RPS21: variants seen among roughly 807,000 people sequenced by gnomAD.
The protein encoded by RPS21 is ribosomal protein S21.
A neutral mutation model predicts 14.5 loss-of-function variants in RPS21; 6 were observed. The ratio of observed to expected loss-of-function variants is 0.41; its 90% CI spans 0.23 to 0.82. The LOEUF (loss-of-function observed/expected upper bound fraction) is 0.82, where lower values mean the gene tolerates loss of function less well. Ranked by LOEUF, RPS21 falls within the 40% of genes least tolerant of loss-of-function variation. RPS21 has a pLI of 0.31. For synonymous variants in RPS21, 61 were observed against 42.6 expected, an observed-to-expected ratio of 1.43 and a Z score of -1.69; for missense variants, 85 against 115.0, an observed-to-expected ratio of 0.74 and a Z score of 1.19.
At chr20:62,388,395 T>C (rs895562752) in intron 5 of RPS21, 31 bp downstream of exon 5, 4 of 1,609,568 alleles carry the variant, frequency 2.5e-6, no homozygotes, top group Non-Finnish European at 8.5e-7. Context: ...TTGGGCAGAG[T>C]GAGTGGACTA....
intron 4 of RPS21, 47 bp downstream of exon 4, chr20:62,387,961 C>T (rs1409814474): frequency 6.2e-7 from 1 of 1,614,200 alleles, no homozygotes; most frequent in South Asian, 1.1e-5. Context: ...ACATCGTGGA[C>T]TTTACCGTGC....
chr20:62,388,061 G>A, intron 4 of RPS21, 147 bp downstream of exon 4: 1 of 1,562,218 alleles, frequency 6.4e-7, no homozygotes, highest in Non-Finnish European at 8.7e-7. Context: ...CGCTTCTTGA[G>A]GGTGGAAGAG....
intron 5 of RPS21, 30 bp from the exon 6 acceptor site, chr20:62,388,427 C>G (rs765823837): frequency 6.2e-7 from 1 of 1,613,782 alleles, no homozygotes; most frequent in African/African-American, 1.3e-5. Context: ...GAGGCGTGGT[C>G]TTAACGTTGT....
At chr20:62,387,451 C>T (rs1987772963) in intron 2 of RPS21, 63 bp downstream of exon 2, 1 of 1,599,362 alleles carries the variant, frequency 6.3e-7, no homozygotes, top group Non-Finnish European at 8.6e-7. Flanking sequence ...CTCGCCTGCC[C>T]TTGTTCCCCC....
intron 2 of RPS21, 105 bp from the exon 3 acceptor site, chr20:62,387,505 GC>G (rs1987776236): frequency 1.9e-6 from 3 of 1,585,030 alleles, no homozygotes; most frequent in African/African-American, 2.7e-5. Context: ...AACTTGTCCT[GC>G]CCCCGACGTT....
chr20:62,388,163 T>C, intron 4 of RPS21, 146 bp from the exon 5 acceptor site: 1 of 1,473,674 alleles, frequency 6.8e-7, no homozygotes, highest in Non-Finnish European at 9.1e-7. Flanking sequence ...GGCTGCAGGC[T>C]GCCCCGGGAG....
chr20:62,387,617 T>C lies in RPS21; in HGVS notation c.57T>C (p.Ala19=). ...CTGCGCCCTTTCTCCACAGCTCCGC[T>C]AGCAATCGCATCATCGGTGCCAAGG... is the stretch of plus-strand genomic sequence containing the variant. ...VDLYVPRKCS[A]SNRIIGAKDH... is the part of the protein sequence containing the mutation. The change falls in exon 3 of 6, where the codon GCT becomes GCC. Residue 19 remains alanine, a synonymous_variant. Transcript: ENST00000343986. 1.2e-6 allele frequency: 2 copies of C among 1,612,704 alleles called. No homozygotes were observed. The highest frequency in any genetic ancestry group is 1.7e-6 in the Non-Finnish European group (2 of 1,179,042).
At chr20:62,387,414 TC>T in intron 2 of RPS21, 26 bp downstream of exon 2, 1 of 1,608,114 alleles carries the variant, frequency 6.2e-7, no homozygotes, top group Middle Eastern at 1.7e-4. Flanking sequence ...ATGCCTCTCT[TC>T]CGTCCTTACC....
rs1987795982 is a variant in RPS21 at position 62,387,883 on chromosome 20, C to T, written c.155C>T (p.Thr52Ile). The part of the protein sequence containing the change: ...VTGRFNGQFK[T>I]YAICGAIRRM... Reference sequence around the variant, plus strand: ...GGCAGGTTTAATGGCCAGTTTAAAACTTATGCTATCTGCGGGGCCATTCGT... The same window carrying T: ...GGCAGGTTTAATGGCCAGTTTAAAATTTATGCTATCTGCGGGGCCATTCGT... The change falls in exon 4 of 6, where the codon ACT (threonine) becomes ATT (isoleucine). Residue 52 changes from threonine (T) to isoleucine (I), a missense_variant. Coordinates refer to ENST00000343986, the MANE Select transcript of RPS21 (RefSeq NM_001024.4). 4 of 1,614,206 alleles carry T rather than the reference C, an allele frequency of 2.5e-6. No homozygotes were observed. Among genetic ancestry groups the T allele is most frequent in the Non-Finnish European group, 3.4e-6 (4 of 1,180,044 alleles).
chr20:62,387,921 GT>G lies in RPS21; in HGVS notation c.186+10del. The G allele has an allele frequency of 1.2e-6, 2 of 1,614,228 alleles. No homozygotes were observed. Among genetic ancestry groups the G allele is most frequent in the Non-Finnish European group, 1.7e-6 (2 of 1,180,048 alleles). On this transcript the variant is annotated splice_region_variant and intron_variant, in intron 4 of 5. Transcript: ENST00000343986. ...CGGGGCCATTCGTAGGATGGTGAGT[GT>G]TTCCCTGGGCTTTGCTCATCACTTC...
At chr20:62,387,410 C>G (rs554594594) in intron 2 of RPS21, 22 bp downstream of exon 2, 5 of 1,607,838 alleles carry the variant, frequency 3.1e-6, no homozygotes, top group Non-Finnish European at 4.2e-6. Flanking sequence ...CCACATGCCT[C>G]TCTTCCGTCC....
chr20:62,387,297 C>T (rs751134170), intron 1 of RPS21, 24 bp from the exon 2 acceptor site: 3 of 1,559,578 alleles, frequency 1.9e-6, no homozygotes, highest in South Asian at 1.2e-5. Context: ...GCCGTACTCA[C>T]GGCGCCGCGC....
intron 4 of RPS21, 161 bp from the exon 5 acceptor site, chr20:62,388,148 A>T (rs1391261789): frequency 6.7e-6 from 10 of 1,486,060 alleles, no homozygotes; most frequent in Non-Finnish European, 9.0e-6. Context: ...GCTCCACCAT[A>T]GTCAGGCTGC....
At chr20:62,387,246 C>T (rs969871513) in intron 1 of RPS21, 75 bp from the exon 2 acceptor site, 1 of 1,164,660 alleles carries the variant, frequency 8.6e-7, no homozygotes, top group Non-Finnish European at 1.2e-6. Context: ...GGGCCGTGAC[C>T]CTAGGGGCCG....
rs1335399935 is a variant in RPS21, at chr20:62,387,542, A to G, written c.51-69A>G. 3.8e-6 allele frequency: 6 copies of G among 1,585,404 alleles called. No individual in the cohort carries two copies. In the South Asian group the frequency reaches 4.5e-5, roughly 12 times the overall value. On this transcript the variant is annotated intron_variant, in intron 2 of 5. Transcript: ENST00000343986. ...ACTCTTTTCCATTCATATACCCCCAACCTCCCTCGTCCCCTCTTTCATTCT... is the reference window on the plus strand; with the variant it reads ...ACTCTTTTCCATTCATATACCCCCAGCCTCCCTCGTCCCCTCTTTCATTCT...
chr20:62,387,534 T>G (rs754495189), intron 2 of RPS21, 77 bp from the exon 3 acceptor site: 29 of 1,587,592 alleles, frequency 1.8e-5, no homozygotes, highest in Non-Finnish European at 2.4e-5. Context: ...TCCATTCATA[T>G]ACCCCCAACC....
chr20:62,387,540 C>G, intron 2 of RPS21, 71 bp from the exon 3 acceptor site: 1 of 1,588,470 alleles, frequency 6.3e-7, no homozygotes, highest in African/African-American at 1.3e-5. Context: ...CATATACCCC[C>G]AACCTCCCTC....
chr20:62,387,151 G>GCGGGCTT lies in RPS21; in HGVS notation c.-19+22_-19+28dup. ...GGTGGCAGCAGGTGTGGCGCGCGGC[G>GCGGGCTT]CGGGCTTCGGGCTCAGGGCTGGGGC... On this transcript the variant is annotated intron_variant, in intron 1 of 5. Coordinates refer to ENST00000343986, the MANE Select transcript of RPS21 (RefSeq NM_001024.4). The GCGGGCTT allele has an allele frequency of 8.0e-6, 4 of 499,252 alleles. No homozygotes were observed. The South Asian group carries it at 1.2e-4, about 15-fold the overall frequency. 30.9% of individuals were successfully genotyped at this position (499,252 alleles called of 1,614,324 possible).
intron 4 of RPS21, 31 bp from the exon 5 acceptor site, chr20:62,388,278 A>G (rs1327674178): frequency 1.9e-6 from 3 of 1,578,918 alleles, no homozygotes; most frequent in African/African-American, 2.8e-5. Context: ...GAGTGGAAAT[A>G]TTCTTAGTGT....
Sources: gnomAD v4.1 joint callset for allele counts on GRCh38, gnomAD v4.1.1 for gene constraint, MANE v1.5 for transcripts, NCBI Gene and HGNC (gene_info 2026-07-23, HGNC 2026-07-21) for gene names.